The following PCSK5 variants were observed in gnomAD, a reference collection of about 807,000 sequenced individuals.
PCSK5 encodes the protein prohormone convertase 5.
PCSK5 carries 129 observed loss-of-function variants against 233.2 expected under a neutral mutation model. The ratio of observed to expected loss-of-function variants is 0.55; its 90% CI spans 0.48 to 0.64. The LOEUF (loss-of-function observed/expected upper bound fraction) is 0.64. Ranked by LOEUF, PCSK5 falls within the 30% of genes least tolerant of loss-of-function variation. The pLI is 0.00. For missense variants in PCSK5, 2,076 were observed against 2,430.1 expected (o/e 0.85, Z 3.06); for synonymous variants, 825 against 879.2 (o/e 0.94, Z 1.09).
rs1563994392 is a variant in PCSK5, at chr9:76,047,552, G to A, written c.633-20403G>A. On this transcript the variant is annotated intron_variant, in intron 5 of 37. Coordinates refer to ENST00000674117, the MANE Select transcript of PCSK5 (RefSeq NM_001372043.1). ...CACAGAATATACATTAGAGGTCAAG[G>A]TAGCAAACCAATTTTGCATTTGGCA... 2.0e-5 allele frequency among the ~76,000 whole-genome samples: 3 copies of A among 152,208 alleles called. No individual in the cohort carries two copies. The South Asian group carries it at 6.2e-4, about 32-fold the overall frequency.
At chr9:75,926,265 C>G (rs902828927) in intron 1 of PCSK5, among the ~76,000 whole-genome samples, 1 of 152,084 alleles carries the variant, frequency 6.6e-6, no homozygotes, top group African/African-American at 2.4e-5. Context: ...TTACATATCC[C>G]AAATGCAGCC....
intron 20 of PCSK5, chr9:76,205,038 G>A (rs1825057723): frequency 1.0e-5 from 5 of 501,370 alleles, no homozygotes; most frequent in Non-Finnish European, 2.0e-5. Context: ...ACAAGTCTAA[G>A]GGGTTATATA....
At chr9:75,903,208 A>C (rs1053309502) in intron 1 of PCSK5, among the ~76,000 whole-genome samples, 1 of 152,204 alleles carries the variant, frequency 6.6e-6, no homozygotes, top group Non-Finnish European at 1.5e-5. Context: ...ATAGGAATAC[A>C]GATAAGTTTT....
intron 24 of PCSK5, among the ~76,000 whole-genome samples, chr9:76,291,668 G>T (rs1360689111): frequency 6.6e-6 from 1 of 152,218 alleles, no homozygotes; most frequent in African/African-American, 2.4e-5. Context: ...CTGTGAGCCA[G>T]CAGGGATGCA....
intron 5 of PCSK5, among the ~76,000 whole-genome samples, chr9:76,045,874 G>A (rs1349849618): frequency 6.6e-6 from 1 of 152,126 alleles, no homozygotes; most frequent in African/African-American, 2.4e-5. Flanking sequence ...TGTGGCGGGA[G>A]TGGTAGAGAG....
intron 20 of PCSK5, among the ~76,000 whole-genome samples, chr9:76,209,970 G>T (rs1490283177): frequency 6.6e-6 from 1 of 152,168 alleles, no homozygotes; most frequent in African/African-American, 2.4e-5. Context: ...GAAGAAGAAA[G>T]AAAGGAGTGG....
rs138842247 is a variant in PCSK5 at position 76,319,287 on chromosome 9, T to C, written c.3885-2135T>C. Among the ~76,000 whole-genome samples the C allele has an allele frequency of 1.4e-4, 21 of 152,192 alleles. No homozygotes were observed. The East Asian group carries it at 3.5e-3, about 25-fold the overall frequency. On this transcript the variant is annotated intron_variant, in intron 30 of 37. Coordinates refer to ENST00000674117, the MANE Select transcript of PCSK5 (RefSeq NM_001372043.1). ...AGACCATTGTGGGCGGAGGATTACC[T>C]AGGTGCCGAGGCAAGAGACTGAAGG...
intron 13 of PCSK5, among the ~76,000 whole-genome samples, chr9:76,172,600 G>T (rs889196636): frequency 6.6e-6 from 1 of 152,146 alleles, no homozygotes; most frequent in African/African-American, 2.4e-5. Flanking sequence ...CATCCAAAAT[G>T]ATCTTAAATA....
intron 16 of PCSK5, among the ~76,000 whole-genome samples, chr9:76,182,437 G>A (rs531837757): frequency 1.3e-5 from 2 of 152,136 alleles, no homozygotes; most frequent in East Asian, 3.9e-4. Flanking sequence ...CACCAGGAAA[G>A]GCAAAATGGA....
At chr9:76,108,962 C>G (rs1367630225) in intron 9 of PCSK5, among the ~76,000 whole-genome samples, 1 of 152,210 alleles carries the variant, frequency 6.6e-6, no homozygotes, top group Admixed American at 6.5e-5. Flanking sequence ...TGGGTGGCCT[C>G]TTGCCCAAGC....
chr9:76,020,719 A>G (rs1011285517), intron 3 of PCSK5, among the ~76,000 whole-genome samples: 1 of 152,230 alleles, frequency 6.6e-6, no homozygotes, highest in Non-Finnish European at 1.5e-5. Context: ...TTTAACACGC[A>G]TGTTTTCCGT....
rs1409515777 is a variant in PCSK5, at chr9:76,181,528, T to G, written c.2134T>G (p.Phe712Val). Residue 712 changes from phenylalanine (F) to valine (V), a missense_variant, in exon 16 of 38, where the codon TTT (phenylalanine) becomes GTT (valine). Phe to Val is a conservative substitution (Grantham distance 50, BLOSUM62 -1). Coordinates refer to ENST00000674117, the MANE Select transcript of PCSK5 (RefSeq NM_001372043.1). ...ATGCATGTCCTGCAAATATGGATAC[T>G]TTCTGAATGAAGAAACCAACAGCTG... is the stretch of plus-strand genomic sequence containing the variant. ...DQCMSCKYGY[F>V]LNEETNSCVT... 3 of 1,613,924 alleles carry G rather than the reference T, an allele frequency of 1.9e-6. No homozygotes were observed. Among genetic ancestry groups the G allele is most frequent in the African/African-American group, 1.3e-5 (1 of 74,916 alleles).
At chr9:76,210,815 A>G (rs1825299933) in intron 20 of PCSK5, among the ~76,000 whole-genome samples, 1 of 152,180 alleles carries the variant, frequency 6.6e-6, no homozygotes, top group South Asian at 2.1e-4. Flanking sequence ...ATTGAGCTAA[A>G]AGACATGGGC....
intron 35 of PCSK5, among the ~76,000 whole-genome samples, chr9:76,339,389 T>A (rs1240388697): frequency 6.6e-6 from 1 of 152,176 alleles, no homozygotes; most frequent in Non-Finnish European, 1.5e-5. Context: ...CTTTCATTTT[T>A]AAAAAGTATT....
At chr9:76,350,950 G>C (rs556663443) in intron 36 of PCSK5, 22 bp downstream of exon 36, 2 of 1,249,586 alleles carry the variant, frequency 1.6e-6, no homozygotes, top group Non-Finnish European at 2.3e-6. Flanking sequence ...TGGGGGTCCT[G>C]GGCCTTCTGC....
intron 3 of PCSK5, among the ~76,000 whole-genome samples, chr9:76,022,988 G>A (rs1157682837): frequency 6.6e-6 from 1 of 152,202 alleles, no homozygotes; most frequent in Non-Finnish European, 1.5e-5. Context: ...TCTGGCTGCT[G>A]TACAGAGAAG....
chr9:76,007,271 A>G (rs1055273181), intron 3 of PCSK5, among the ~76,000 whole-genome samples: 1 of 152,174 alleles, frequency 6.6e-6, no homozygotes, highest in African/African-American at 2.4e-5. Flanking sequence ...TGTTTCACTT[A>G]GGTTCAGATG....
chr9:76,275,402 G>T (rs1282500121), intron 24 of PCSK5, among the ~76,000 whole-genome samples: 3 of 151,944 alleles, frequency 2.0e-5, no homozygotes, highest in African/African-American at 7.2e-5. Context: ...TTGTTTGTTT[G>T]CTTCTTTGGT....
At chr9:76,168,072 T>G (rs1823162562) in intron 12 of PCSK5, among the ~76,000 whole-genome samples, 1 of 152,238 alleles carries the variant, frequency 6.6e-6, no homozygotes, top group Non-Finnish European at 1.5e-5. Flanking sequence ...CTATGTAGGT[T>G]TCATCTTTAC....
Sources: allele counts gnomAD v4.1 joint callset (sites outside exome capture counted in the v4.1 genomes callset), GRCh38; gene constraint gnomAD v4.1.1; transcripts MANE v1.5; gene names NCBI Gene and HGNC (gene_info 2026-07-23, HGNC 2026-07-21).